Variants in VPS53 observed in about 807,000 individuals in gnomAD.
VPS53 encodes vacuolar protein sorting-associated protein 53 homolog.
VPS53 carries 70 observed loss-of-function variants against 107.0 expected under a neutral mutation model. That is an observed-to-expected ratio of 0.65 (90% confidence interval 0.54 to 0.80). The LOEUF is 0.80. Ranked by LOEUF, VPS53 falls within the 30% of genes least tolerant of loss-of-function variation. The probability of loss-of-function intolerance (pLI) is 0.00; values close to 1 mark genes in which losing one functional copy is unlikely to be tolerated. For synonymous variants in VPS53, 409 were observed against 393.3 expected, an observed-to-expected ratio of 1.04 and a Z score of -0.47; for missense variants, 917 against 1,049.4, an observed-to-expected ratio of 0.87 and a Z score of 1.74.
At chr17:574,666 G>A (rs1914451375) in intron 13 of VPS53, among the ~76,000 whole-genome samples, 1 of 152,166 alleles carries the variant, frequency 6.6e-6, no homozygotes, top group African/African-American at 2.4e-5. Context: ...TTGAGAGGCT[G>A]AGTAGGAAAG....
intron 7 of VPS53, among the ~76,000 whole-genome samples, chr17:633,753 T>C (rs1314716628): frequency 6.6e-6 from 1 of 152,242 alleles, no homozygotes; most frequent in Non-Finnish European, 1.5e-5. Flanking sequence ...ATCAGGGCCA[T>C]ACGTCTAGAG....
At chr17:700,272 G>C (rs536888752) in intron 2 of VPS53, among the ~76,000 whole-genome samples, 2 of 152,282 alleles carry the variant, frequency 1.3e-5, no homozygotes, top group East Asian at 3.9e-4. Flanking sequence ...GCCGGGTGCA[G>C]TGGCTCACGC....
intron 13 of VPS53, among the ~76,000 whole-genome samples, chr17:579,770 G>A (rs1288317259): frequency 7.1e-5 from 6 of 84,664 alleles, no homozygotes; most frequent in South Asian, 4.8e-4. Flanking sequence ...GAGAACCTCC[G>A]TCAGAACCTG....
intron 11 of VPS53, among the ~76,000 whole-genome samples, chr17:620,362 A>C (rs934406332): frequency 3.3e-5 from 5 of 152,302 alleles, no homozygotes; most frequent in South Asian, 2.1e-4. Flanking sequence ...CAAAGAGGGA[A>C]TTGCACTGAA....
At chr17:645,765 A>T (rs201478737) in intron 7 of VPS53, among the ~76,000 whole-genome samples, 11,960 of 147,182 alleles carry the variant, frequency 0.081, 733 homozygotes, top group East Asian at 0.18. Context: ...GACTGGAGAT[A>T]GGCTCCCACA....
chr17:672,994 C>T (rs1398680946), intron 4 of VPS53, among the ~76,000 whole-genome samples: 1 of 152,004 alleles, frequency 6.6e-6, no homozygotes, highest in Non-Finnish European at 1.5e-5. Context: ...CGCCTGTAGT[C>T]CCAGCTACTC....
At chr17:650,991 A>G (rs1423553121) in intron 7 of VPS53, among the ~76,000 whole-genome samples, 1 of 152,262 alleles carries the variant, frequency 6.6e-6, no homozygotes, top group Non-Finnish European at 1.5e-5. Context: ...TTAAAACAAA[A>G]CAAAGCAAAA....
At chr17:636,243 T>G (rs987961865) in intron 7 of VPS53, among the ~76,000 whole-genome samples, 10 of 152,348 alleles carry the variant, frequency 6.6e-5, no homozygotes, top group African/African-American at 1.7e-4. Context: ...ATAAGAATGC[T>G]TGTGATTTTT....
intron 19 of VPS53, among the ~76,000 whole-genome samples, chr17:522,009 T>A (rs770339432): frequency 2.6e-4 from 40 of 152,126 alleles, no homozygotes; most frequent in Non-Finnish European, 5.0e-4. Flanking sequence ...ATCCCAGCAC[T>A]TCAGGAGGGC....
intron 4 of VPS53, among the ~76,000 whole-genome samples, chr17:668,913 A>G (rs1445288817): frequency 1.3e-5 from 2 of 152,206 alleles, no homozygotes; most frequent in South Asian, 2.1e-4. Flanking sequence ...CAGCAAACAA[A>G]TAAGACTCAC....
In VPS53 at chr17:510,932, G is replaced by A. The variant is rs1358351218; in HGVS notation, c.*8196C>T. On this transcript the variant is annotated 3_prime_UTR_variant, in exon 22 of 22. Transcript: ENST00000437048. ...GGTATGAGGCTGTGGGGGACTCTGT[G>A]TGTAAACTGATGTTTCTTTGTATAG... The A allele has an allele frequency of 1.3e-5, 2 of 152,484 alleles. No individual in the cohort carries two copies. The highest frequency in any genetic ancestry group is 3.8e-4 in the East Asian group (2 of 5,204). 9.4% of individuals were successfully genotyped at this position (152,484 alleles called of 1,614,324 possible). A position where few individuals can be genotyped will look rare whatever the true frequency, so the allele number is the denominator to read the frequency against.
intron 7 of VPS53, among the ~76,000 whole-genome samples, chr17:639,595 T>C (rs1195818003): frequency 2.6e-5 from 4 of 152,192 alleles, no homozygotes; most frequent in African/African-American, 7.2e-5. Flanking sequence ...GGGGTTTTGG[T>C]GTGGATGTCC....
At chr17:703,960 G>T (rs974754049) in intron 2 of VPS53, among the ~76,000 whole-genome samples, 1 of 152,068 alleles carries the variant, frequency 6.6e-6, no homozygotes, top group Admixed American at 6.6e-5. Flanking sequence ...TGGGATTAGA[G>T]AATACAGCCA....
chr17:618,314 C>A (rs1969255809), intron 11 of VPS53, among the ~76,000 whole-genome samples: 1 of 97,872 alleles, frequency 1.0e-5, no homozygotes, highest in African/African-American at 3.2e-5. Context: ...CCACGCCCCA[C>A]TAATATTTCC....
rs998644346 is a variant in VPS53, at chr17:570,944, C to T, written c.1314-8199G>A. ...CAGTTGTACTGTGGTTATGTAGAAA[C>T]CTTGTTTCTAAGAAATATATATTGA... On this transcript the variant is annotated intron_variant, in intron 13 of 21. Transcript: ENST00000437048. 2.0e-5 allele frequency among the ~76,000 whole-genome samples: 3 copies of T among 152,074 alleles called. No homozygotes were observed. The East Asian group carries it at 5.8e-4, about 29-fold the overall frequency.
intron 11 of VPS53, among the ~76,000 whole-genome samples, chr17:604,411 G>A (rs565835647): frequency 1.1e-4 from 17 of 152,090 alleles, no homozygotes; most frequent in Non-Finnish European, 1.0e-4. Flanking sequence ...ACCTACTCTC[G>A]CCGGTGTAAA....
At chr17:604,310 G>A (rs981895547) in intron 11 of VPS53, among the ~76,000 whole-genome samples, 8 of 152,048 alleles carry the variant, frequency 5.3e-5, no homozygotes, top group African/African-American at 1.7e-4. Context: ...CTGGCGTAAA[G>A]CATCAAGAAA....
In VPS53 at chr17:519,251, C is replaced by T. The variant is rs1908537959; in HGVS notation, c.2376G>A (p.Gln792=). 6.5e-7 allele frequency: 1 copy of T among 1,541,562 alleles called. No homozygotes were observed. The highest frequency in any genetic ancestry group is 1.4e-5 in the African/African-American group (1 of 72,518). Residue 792 remains glutamine (Q), a synonymous_variant, in exon 22 of 22, where the codon CAG becomes CAA. Coordinates refer to ENST00000437048, the MANE Select transcript of VPS53 (RefSeq NM_001128159.3). The surrounding 1 kb of genome is among the most constrained non-coding windows in gnomAD (Gnocchi z 5.0). The part of the protein sequence containing the change: ...EQSSMLELLR[Q]RLPAPPSGAE... Reference sequence around the variant, plus strand: ...CCCCCGAGGGCGGTGCGGGGAGCCGCTGGCGCAGGAGTTCCAGCATGCTGC... The same window carrying T: ...CCCCCGAGGGCGGTGCGGGGAGCCGTTGGCGCAGGAGTTCCAGCATGCTGC...
At chr17:623,773 G>A (rs1420093062) in intron 10 of VPS53, 99 bp from the exon 11 acceptor site, 6 of 1,274,292 alleles carry the variant, frequency 4.7e-6, no homozygotes, top group Middle Eastern at 2.8e-4. Context: ...AAAAAAAAAT[G>A]TATGTGGTCA....
Sources: allele counts gnomAD v4.1 joint callset (sites outside exome capture counted in the v4.1 genomes callset), GRCh38; gene constraint gnomAD v4.1.1; non-coding constraint Gnocchi (gnomAD v3.1); transcripts MANE v1.5; gene names NCBI Gene and HGNC (gene_info 2026-07-23, HGNC 2026-07-21).